The following QTMAN variants were observed in gnomAD, a reference collection of about 807,000 sequenced individuals.
QTMAN encodes queuosine-tRNA mannosyltransferase, also known as tRNA-queuosine alpha-mannosyltransferase.
chr2:144,119,335 T>C, the QTMAN span, among the ~76,000 whole-genome samples: 14 of 152,342 alleles, frequency 9.2e-5, no homozygotes, highest in African/African-American at 3.1e-4. Context: ...TATGAGGAAC[T>C]ATTGCCTTTC....
At chr2:144,317,984 T>C in the QTMAN span, among the ~76,000 whole-genome samples, 1 of 152,184 alleles carries the variant, frequency 6.6e-6, no homozygotes. Context: ...GGCATTATTA[T>C]ATTTTGAAAA....
At chr2:144,167,106 A>G in the QTMAN span, among the ~76,000 whole-genome samples, 5 of 152,162 alleles carry the variant, frequency 3.3e-5, no homozygotes, top group Non-Finnish European at 7.3e-5. Flanking sequence ...TCAATTCAGT[A>G]TGCTCTCATT....
chr2:144,234,034 A>C, the QTMAN span, among the ~76,000 whole-genome samples: 3 of 152,202 alleles, frequency 2.0e-5, no homozygotes, highest in Non-Finnish European at 4.4e-5. Flanking sequence ...TATAATTTTT[A>C]GGTCACTATT....
the QTMAN span, among the ~76,000 whole-genome samples, chr2:144,002,251 C>T: frequency 6.6e-6 from 1 of 151,892 alleles, no homozygotes; most frequent in African/African-American, 2.4e-5. Flanking sequence ...AAATGAGAAA[C>T]ACACATGCAT....
At chr2:143,967,655 G>A in the QTMAN span, among the ~76,000 whole-genome samples, 130 of 152,266 alleles carry the variant, frequency 8.5e-4, no homozygotes, top group African/African-American at 3.0e-3. Flanking sequence ...AGTACCCAAA[G>A]AGACATCAGA....
the QTMAN span, among the ~76,000 whole-genome samples, chr2:143,969,818 C>T: frequency 6.6e-6 from 1 of 152,148 alleles, no homozygotes. Flanking sequence ...TGAGACAAGG[C>T]TACTGAGATG....
At chr2:144,025,931 G>C in the QTMAN span, among the ~76,000 whole-genome samples, 2 of 152,202 alleles carry the variant, frequency 1.3e-5, no homozygotes, top group East Asian at 3.8e-4. Context: ...TAATGAGGGA[G>C]TCGTTTTAGT....
chr2:144,108,533 G>T, the QTMAN span, among the ~76,000 whole-genome samples: 1 of 151,924 alleles, frequency 6.6e-6, no homozygotes, highest in Non-Finnish European at 1.5e-5. Flanking sequence ...AGCTACTGGA[G>T]AGGCTGAGGC....
the QTMAN span, chr2:143,938,977 A>G: frequency 2.0e-5 from 3 of 152,212 alleles, no homozygotes; most frequent in Non-Finnish European, 2.9e-5. Flanking sequence ...GGCAGACAAC[A>G]CTCTTTCTCA....
the QTMAN span, among the ~76,000 whole-genome samples, chr2:143,996,424 A>G: frequency 2.6e-5 from 4 of 152,102 alleles, no homozygotes; most frequent in Non-Finnish European, 5.9e-5. Flanking sequence ...AGAAAAAGAG[A>G]GAAATTTGGG....
chr2:143,990,064 G>C, the QTMAN span, among the ~76,000 whole-genome samples: 1 of 151,948 alleles, frequency 6.6e-6, no homozygotes, highest in South Asian at 2.1e-4. Context: ...TTGCACATGG[G>C]TATTTACTAT....
At chr2:143,992,124 G>A in the QTMAN span, among the ~76,000 whole-genome samples, 10 of 151,962 alleles carry the variant, frequency 6.6e-5, no homozygotes, top group African/African-American at 1.9e-4. Flanking sequence ...TTGAGAAATC[G>A]GATGGTTGCC....
chr2:144,079,851 A>G, the QTMAN span, among the ~76,000 whole-genome samples: 1 of 152,134 alleles, frequency 6.6e-6, no homozygotes, highest in Non-Finnish European at 1.5e-5. Flanking sequence ...GATGACCTAG[A>G]GTCTAATTTT....
At chr2:144,100,917 T>A in the QTMAN span, among the ~76,000 whole-genome samples, 1 of 137,686 alleles carries the variant, frequency 7.3e-6, no homozygotes, top group Non-Finnish European at 1.5e-5. Context: ...TCGCCCAGGC[T>A]GGACTGCAGT....
the QTMAN span, among the ~76,000 whole-genome samples, chr2:144,084,577 C>T: frequency 5.6e-4 from 86 of 152,278 alleles, no homozygotes; most frequent in Admixed American, 2.9e-3. Flanking sequence ...GATGCTTGTC[C>T]GCAAAAGTCA....
At chr2:144,258,229 A>C in the QTMAN span, among the ~76,000 whole-genome samples, 1 of 151,528 alleles carries the variant, frequency 6.6e-6, no homozygotes, top group African/African-American at 2.4e-5. Flanking sequence ...TGCAAAAAAA[A>C]AACAAAAACA....
At chr2:144,139,083 A>G in the QTMAN span, among the ~76,000 whole-genome samples, 19 of 152,218 alleles carry the variant, frequency 1.2e-4, no homozygotes, top group African/African-American at 4.6e-4. Flanking sequence ...CTGGACAAAG[A>G]AAGAGAAAAT....
chr2:144,316,892 T>G, the QTMAN span, among the ~76,000 whole-genome samples: 1 of 152,236 alleles, frequency 6.6e-6, no homozygotes, highest in Non-Finnish European at 1.5e-5. Context: ...TCTATTTCAA[T>G]TCTTACTCTA....
the QTMAN span, among the ~76,000 whole-genome samples, chr2:144,259,387 G>C: frequency 1.3e-5 from 2 of 152,144 alleles, no homozygotes; most frequent in East Asian, 3.9e-4. Flanking sequence ...TCAAACTTCT[G>C]ATCTCAAGTG....
Sources: allele counts gnomAD v4.1 joint callset (sites outside exome capture counted in the v4.1 genomes callset), GRCh38; gene constraint gnomAD v4.1.1; transcripts MANE v1.5; gene names NCBI Gene and HGNC (gene_info 2026-07-23, HGNC 2026-07-21).